Variants in TET3 observed in about 807,000 individuals in gnomAD.
TET3 encodes tet methylcytosine dioxygenase 3, also known as methylcytosine dioxygenase TET3.
TET3 carries 19 observed loss-of-function variants against 141.4 expected under a neutral mutation model. The observed-to-expected ratio is 0.13, with a 90% CI of 0.09 to 0.20. The LOEUF (loss-of-function observed/expected upper bound fraction) is 0.20. Ranked by LOEUF, TET3 falls within the 10% of genes least tolerant of loss-of-function variation. The probability of loss-of-function intolerance (pLI) is 1.00; values close to 1 mark genes in which losing one functional copy is unlikely to be tolerated. For synonymous variants in TET3, 1,043 were observed against 980.9 expected (o/e 1.06, Z -1.18); for missense variants, 1,874 against 2,356.9 (o/e 0.80, Z 4.24).
intron 3 of TET3, among the ~76,000 whole-genome samples, chr2:74,026,661 T>C (rs2105271606): frequency 6.6e-6 from 1 of 152,352 alleles, no homozygotes; most frequent in Non-Finnish European, 1.5e-5. Flanking sequence ...GCTTATTGCA[T>C]ATTATGCATT....
downstream of TET3, among the ~76,000 whole-genome samples, chr2:74,113,099 A>G (rs1484381593): frequency 6.6e-6 from 1 of 151,712 alleles, no homozygotes; most frequent in Non-Finnish European, 1.5e-5. Context: ...AACTGGAACA[A>G]GACAAGAATG....
chr2:74,110,695 C>T (rs1018480625), downstream of TET3, among the ~76,000 whole-genome samples: 2 of 152,144 alleles, frequency 1.3e-5, no homozygotes, highest in African/African-American at 4.8e-5. Context: ...AGCCCAACCC[C>T]AGGCCCAGGG....
chr2:74,100,250 A>G (rs926182088), intron 11 of TET3, 143 bp from the exon 12 acceptor site: 5 of 874,602 alleles, frequency 5.7e-6, no homozygotes, highest in South Asian at 3.4e-5. Flanking sequence ...TGGGCTGGAC[A>G]TGCCTCAGCA....
chr2:74,060,603 T>C (rs926200765), intron 4 of TET3, among the ~76,000 whole-genome samples: 3 of 152,020 alleles, frequency 2.0e-5, no homozygotes, highest in Non-Finnish European at 4.4e-5. Flanking sequence ...AGGACAATAG[T>C]GGAGGGAAGG....
rs1280501734 is a variant in TET3 at position 74,093,173 on chromosome 2, A to T, written c.3129+182A>T. 6.6e-6 allele frequency among the ~76,000 whole-genome samples: 1 copy of T among 152,128 alleles called. No individual in the cohort carries two copies. The highest frequency in any genetic ancestry group is 1.5e-5 in the Non-Finnish European group (1 of 68,020). On this transcript the variant is annotated intron_variant, in intron 9 of 11. Coordinates refer to ENST00000409262, the MANE Select transcript of TET3 (RefSeq NM_001287491.2). This position sits in a 1 kb window ranked among gnomAD's most constrained non-coding sequence, Gnocchi z 4.2. ...CCCTTTTTTACACCAGGCTACCTGC[A>T]TCCCACACCGTCCCTCTTCTATCCT...
At chr2:74,042,690 G>T (rs1687401436) in intron 3 of TET3, among the ~76,000 whole-genome samples, 1 of 152,160 alleles carries the variant, frequency 6.6e-6, no homozygotes, top group Middle Eastern at 3.2e-3. Context: ...GACTCCTTGT[G>T]GTTCTTACCT....
intron 3 of TET3, among the ~76,000 whole-genome samples, chr2:74,007,370 C>T (rs1056114568): frequency 1.3e-5 from 2 of 152,138 alleles, no homozygotes; most frequent in Non-Finnish European, 2.9e-5. Context: ...CATTGTTTCC[C>T]GGATCTAGCA....
At chr2:74,128,992 TAAAAAA>T in the TET3 span, among the ~76,000 whole-genome samples, 58 of 77,924 alleles carry the variant, frequency 7.4e-4, no homozygotes, top group African/African-American at 2.8e-3. Flanking sequence ...TGTCTCAATT[TAAAAAA>T]AAAAAAAAAA....
the TET3 span, among the ~76,000 whole-genome samples, chr2:74,113,758 T>C: frequency 6.6e-6 from 1 of 152,056 alleles, no homozygotes; most frequent in African/African-American, 2.4e-5. Flanking sequence ...AGGTGAAAGA[T>C]GTCTACAAGG....
chr2:74,093,705 A>G lies in TET3; in HGVS notation c.3267+39A>G, dbSNP rs111457133. 5.8e-3 allele frequency: 8,840 copies of G among 1,527,830 alleles called. 441 individuals are homozygous for G. The African/African-American group carries it at 0.11, about 19-fold the overall frequency. 94.6% of individuals were successfully genotyped at this position (1,527,830 alleles called of 1,614,324 possible). A position where few individuals can be genotyped will look rare whatever the true frequency, so the allele number is the denominator to read the frequency against. ...CTGTCATAGCCCCACCTGTGGGGCA[A>G]CTGTGGGAGGGAGTCCACCGTGGTC... is the stretch of plus-strand genomic sequence containing the variant. On this transcript the variant is annotated intron_variant, in intron 10 of 11. Transcript: ENST00000409262. This position sits in a 1 kb window ranked among gnomAD's most constrained non-coding sequence, Gnocchi z 4.2.
Position 74,047,930 on chromosome 2 carries a change from C to T in TET3, c.2013C>T (p.Pro671=), listed in dbSNP as rs1414886089. The change falls in exon 4 of 12, where the codon CCC becomes CCT. Residue 671 remains proline, a synonymous_variant. Transcript: ENST00000409262. ...EPSLALFAPS[P]SRDSLLPPTQ... is the part of the protein sequence containing the mutation. ...CTCTTGCGCTATTTGCACCTAGTCC[C>T]TCCAGGGACAGCCTGCTGCCCCCTA... 5 of 1,613,786 alleles carry T rather than the reference C, an allele frequency of 3.1e-6. No individual in the cohort carries two copies. Among genetic ancestry groups the T allele is most frequent in the Admixed American group, 3.3e-5 (2 of 60,006 alleles).
intron 2 of TET3, among the ~76,000 whole-genome samples, chr2:73,989,830 A>G (rs1341107275): frequency 6.6e-6 from 1 of 152,148 alleles, no homozygotes; most frequent in East Asian, 1.9e-4. Flanking sequence ...AAGGAAGCAC[A>G]GTGGATAGGG....
At chr2:74,049,365 C>T (rs530208250) in intron 4 of TET3, among the ~76,000 whole-genome samples, 2 of 152,208 alleles carry the variant, frequency 1.3e-5, no homozygotes, top group South Asian at 2.1e-4. Context: ...TGTGTGAGAA[C>T]GCGTTGAGGA....
At chr2:74,098,760 A>C (rs2104191732) in intron 10 of TET3, among the ~76,000 whole-genome samples, 1 of 152,204 alleles carries the variant, frequency 6.6e-6, no homozygotes, top group East Asian at 1.9e-4. Context: ...CGCCAGGCTA[A>C]TTTTTATATT....
chr2:74,025,349 C>T (rs1333183832), intron 3 of TET3, among the ~76,000 whole-genome samples: 1 of 147,150 alleles, frequency 6.8e-6, no homozygotes, highest in Admixed American at 6.8e-5. Context: ...AGTGCAGTGG[C>T]GCGATCTCGG....
intron 1 of TET3, among the ~76,000 whole-genome samples, chr2:73,985,697 C>A (rs1046008871): frequency 2.6e-5 from 4 of 152,070 alleles, no homozygotes; most frequent in African/African-American, 9.7e-5. Flanking sequence ...TTTGGTGAAA[C>A]TCTCACCAGC....
At chr2:74,011,246 A>AG (rs1553415420) in intron 3 of TET3, among the ~76,000 whole-genome samples, 1 of 151,594 alleles carries the variant, frequency 6.6e-6, no homozygotes, top group African/African-American at 2.4e-5. Context: ...AAAAAAAAAA[A>AG]CACTTTAAAA....
intron 2 of TET3, among the ~76,000 whole-genome samples, chr2:74,000,647 C>G (rs141402992): frequency 6.6e-6 from 1 of 152,092 alleles, no homozygotes; most frequent in African/African-American, 2.4e-5. Flanking sequence ...CAAGTGACCT[C>G]GGTCTTCTTT....
At chr2:74,055,917 G>C (rs1200445521) in intron 4 of TET3, among the ~76,000 whole-genome samples, 1 of 152,138 alleles carries the variant, frequency 6.6e-6, no homozygotes, top group East Asian at 1.9e-4. Flanking sequence ...TCAACACGAA[G>C]GGCCTCAACA....
Sources: gnomAD v4.1 joint callset for allele counts (sites outside exome capture counted in the v4.1 genomes callset) on GRCh38, gnomAD v4.1.1 for gene constraint, Gnocchi (gnomAD v3.1) non-coding constraint, MANE v1.5 for transcripts, NCBI Gene and HGNC (gene_info 2026-07-23, HGNC 2026-07-21) for gene names.